Variants in THRA observed in about 807,000 individuals in gnomAD.
THRA encodes EAR-7.
Under a neutral mutation model 45.0 loss-of-function variants are expected in THRA, and 13 were observed. The observed-to-expected ratio is 0.29, with a 90% CI of 0.19 to 0.46. The LOEUF is 0.46. Ranked by LOEUF, THRA falls within the 20% of genes least tolerant of loss-of-function variation. The probability of loss-of-function intolerance (pLI) is 1.00; values close to 1 mark genes in which losing one functional copy is unlikely to be tolerated. For synonymous variants in THRA, 195 were observed against 214.0 expected, an observed-to-expected ratio of 0.91 and a Z score of 0.78; for missense variants, 278 against 556.1, an observed-to-expected ratio of 0.50 and a Z score of 5.03.
chr17:40,086,692 C>G lies in THRA; in HGVS notation c.577-15C>G, dbSNP rs755706473. On this transcript the variant is annotated splice_polypyrimidine_tract_variant and intron_variant, in intron 6 of 8. Transcript: ENST00000450525. ...GGGGTCTGCGGCCCCAGCTGACCCCCGTCTTTCTCTCTAGCCCGATGACAT... is the reference window on the plus strand; with the variant it reads ...GGGGTCTGCGGCCCCAGCTGACCCCGGTCTTTCTCTCTAGCCCGATGACAT... 3.7e-6 allele frequency: 6 copies of G among 1,609,726 alleles called. No individual in the cohort carries two copies. Among genetic ancestry groups the G allele is most frequent in the Non-Finnish European group, 5.1e-6 (6 of 1,176,564 alleles).
At chr17:40,079,270 G>A (rs1987057107) in intron 4 of THRA, among the ~76,000 whole-genome samples, 1 of 151,682 alleles carries the variant, frequency 6.6e-6, no homozygotes, top group African/African-American at 2.4e-5. Flanking sequence ...TTTTTGAGAT[G>A]GAGTCTCGCT....
rs780560106 is a variant in THRA at position 40,089,482 on chromosome 17, G to A, written c.*26G>A. On this transcript the variant is annotated 3_prime_UTR_variant, in exon 9 of 9. Coordinates refer to ENST00000450525, the MANE Select transcript of THRA (RefSeq NM_199334.5). The surrounding 1 kb of genome is among the most constrained non-coding windows in gnomAD (Gnocchi z 6.1). ...AGCCTCAGGCGGCCAGAGGGTGTGC[G>A]GAGCTGGTGGGGAGGAGCCTGGAGA... 28 of 1,610,166 alleles carry A rather than the reference G, an allele frequency of 1.7e-5. No homozygotes were observed. Among genetic ancestry groups the A allele is most frequent in the South Asian group, 2.2e-5 (2 of 90,672 alleles).
chr17:40,086,611 C>T (rs544133958), intron 6 of THRA, 96 bp from the exon 7 acceptor site: 4 of 1,505,626 alleles, frequency 2.7e-6, no homozygotes, highest in East Asian at 4.6e-5. Context: ...CCCCTCTTCC[C>T]CAAGCTGCCT....
chr17:40,089,183 C>T lies in THRA; in HGVS notation c.983-23C>T, dbSNP rs755013484. 1.2e-5 allele frequency: 19 copies of T among 1,611,536 alleles called. No homozygotes were observed. The highest frequency in any genetic ancestry group is 6.6e-5 in the South Asian group (6 of 90,998). Reference sequence around the variant, plus strand: ...CAGGCCTTCGGCCAGCCCCTCGCCCCTCACGCCCCTCTTCCCTCACAGACC... The same window carrying T: ...CAGGCCTTCGGCCAGCCCCTCGCCCTTCACGCCCCTCTTCCCTCACAGACC... On this transcript the variant is annotated intron_variant, in intron 8 of 8. Transcript: ENST00000450525. This position sits in a 1 kb window ranked among gnomAD's most constrained non-coding sequence, Gnocchi z 6.1.
At chr17:40,081,856 G>C (rs1174743698) in intron 4 of THRA, among the ~76,000 whole-genome samples, 1 of 151,876 alleles carries the variant, frequency 6.6e-6, no homozygotes, top group Non-Finnish European at 1.5e-5. Context: ...CCAGCTACTC[G>C]GGAGGCTGAG....
downstream of THRA, chr17:40,093,332 G>A: frequency 6.2e-7 from 1 of 1,613,168 alleles, no homozygotes. This position sits in a 1 kb window ranked among gnomAD's most constrained non-coding sequence, Gnocchi z 5.9. Context: ...CTCCTCTGAG[G>A]AGGAACCGGA....
chr17:40,077,441 G>A, intron 3 of THRA, 67 bp from the exon 4 acceptor site: 2 of 1,435,296 alleles, frequency 1.4e-6, no homozygotes, highest in African/African-American at 1.4e-5. Context: ...ATGGGGAAAA[G>A]TGTGAGAGCC....
intron 1 of THRA, among the ~76,000 whole-genome samples, chr17:40,070,375 T>C (rs756557965): frequency 2.6e-5 from 4 of 152,092 alleles, no homozygotes; most frequent in Admixed American, 2.6e-4. Context: ...AATCCATACC[T>C]GAGAATAGAA....
At chr17:40,084,038 C>T in intron 5 of THRA, 56 bp downstream of exon 5, 1 of 1,537,606 alleles carries the variant, frequency 6.5e-7, no homozygotes, top group Non-Finnish European at 8.8e-7. Context: ...GGGATGAGTT[C>T]TGGGAGGGCA....
chr17:40,074,515 G>A lies in THRA; in HGVS notation c.27G>A (p.Glu9=). The part of the protein sequence containing the change: MEQKPSKV[E]CGSDPEENSA... ...TGGAACAGAAGCCAAGCAAGGTGGA[G>A]TGTGGGTCAGACCCAGAGGAGAACA... Residue 9 remains glutamate (E), a synonymous_variant, in exon 2 of 9, where the codon GAG becomes GAA. Coordinates refer to ENST00000450525, the MANE Select transcript of THRA (RefSeq NM_199334.5). 1 of 1,614,152 alleles carries A rather than the reference G, an allele frequency of 6.2e-7. No homozygotes were observed.
intron 4 of THRA, among the ~76,000 whole-genome samples, chr17:40,078,034 ACTC>A (rs902365001): frequency 1.3e-5 from 2 of 151,400 alleles, no homozygotes; most frequent in Non-Finnish European, 2.9e-5. Context: ...CTCATTCATA[ACTC>A]CTCCTCTGCC....
intron 4 of THRA, among the ~76,000 whole-genome samples, chr17:40,079,001 G>C (rs1987048362): frequency 6.6e-6 from 1 of 152,012 alleles, no homozygotes; most frequent in South Asian, 2.1e-4. Flanking sequence ...AAGTGCTGGG[G>C]TTACAGGTGT....
intron 1 of THRA, among the ~76,000 whole-genome samples, chr17:40,065,167 T>C (rs1053606431): frequency 7.9e-5 from 12 of 152,000 alleles, no homozygotes; most frequent in African/African-American, 2.9e-4. Context: ...TTCTAGAAGC[T>C]AGGATTCTCT....
chr17:40,084,929 C>T, intron 6 of THRA, 114 bp downstream of exon 6: 2 of 1,132,442 alleles, frequency 1.8e-6, no homozygotes, highest in Non-Finnish European at 2.5e-6. Context: ...ACCCAAAATA[C>T]ATACTCTTCA....
At chr17:40,087,324 C>G (rs533670840) in intron 7 of THRA, among the ~76,000 whole-genome samples, 1 of 148,000 alleles carries the variant, frequency 6.8e-6, no homozygotes, top group African/African-American at 2.5e-5. Flanking sequence ...CACACACACA[C>G]AGACATATAC....
rs920725279 is a variant in THRA, at chr17:40,082,758, C to CTT, written c.223-1052_223-1051dup. Among the ~76,000 whole-genome samples, 627 of 67,528 alleles carry CTT rather than the reference C, an allele frequency of 9.3e-3. 172 individuals carry two copies. The highest frequency in any genetic ancestry group is 0.021 in the African/African-American group (335 of 15,864). 44.3% of individuals were successfully genotyped at this position (67,528 alleles called of 152,430 possible). ...AACTGCTACACTATAGAATCGCATGCTTTTTTTTTTTTTTTTTTTTTTTTT... is the reference window on the plus strand; with the variant it reads ...AACTGCTACACTATAGAATCGCATGCTTTTTTTTTTTTTTTTTTTTTTTTTTT... On this transcript the variant is annotated intron_variant, in intron 4 of 8. Transcript: ENST00000450525.
chr17:40,080,649 G>C (rs1416207537), intron 4 of THRA, among the ~76,000 whole-genome samples: 1 of 151,380 alleles, frequency 6.6e-6, no homozygotes, highest in African/African-American at 2.4e-5. Flanking sequence ...CCCACCCTTG[G>C]ATAGTTTTAT....
rs148340297 is a variant in THRA at position 40,084,373 on chromosome 17, C to G, written c.371-237C>G. On this transcript the variant is annotated intron_variant, in intron 5 of 8. Transcript: ENST00000450525. ...TTCGAGTAACCACCGTCACCATAAT[C>G]CGTTAGACCAGAACATGATATTCAT... 2,225 of 554,520 alleles carry G rather than the reference C, an allele frequency of 4.0e-3. 5 individuals carry two copies. Among genetic ancestry groups the G allele is most frequent in the Non-Finnish European group, 5.5e-3 (1,706 of 309,670 alleles). 34.3% of individuals were successfully genotyped at this position (554,520 alleles called of 1,614,324 possible).
At chr17:40,093,058 A>T, downstream of THRA, 1 of 1,614,168 alleles carries the variant, frequency 6.2e-7, no homozygotes, top group Non-Finnish European at 8.5e-7. The surrounding 1 kb of genome is among the most constrained non-coding windows in gnomAD (Gnocchi z 5.9). Context: ...ACAAGGGGGC[A>T]GCGGCAGAAG....
Sources: gnomAD v4.1 joint callset for allele counts (sites outside exome capture counted in the v4.1 genomes callset) on GRCh38, gnomAD v4.1.1 for gene constraint, Gnocchi (gnomAD v3.1) non-coding constraint, MANE v1.5 for transcripts, NCBI Gene and HGNC (gene_info 2026-07-23, HGNC 2026-07-21) for gene names.